The following SLC6A13 variants were observed in gnomAD, a reference collection of about 807,000 sequenced individuals.
The protein encoded by SLC6A13 is sodium- and chloride-dependent GABA transporter 2.
A neutral mutation model predicts 72.9 loss-of-function variants in SLC6A13; 69 were observed. That is an observed-to-expected ratio of 0.95 (90% CI 0.78 to 1.16). The LOEUF (loss-of-function observed/expected upper bound fraction) is 1.16, where lower values mean the gene tolerates loss of function less well. Ranked by LOEUF, SLC6A13 falls within the 50% of genes most tolerant of loss-of-function variation. The pLI is 0.00. For missense variants in SLC6A13, 735 were observed against 760.5 expected, an observed-to-expected ratio of 0.97 and a Z score of 0.39; for synonymous variants, 303 against 303.0, an observed-to-expected ratio of 1.00 and a Z score of 0.00.
intron 6 of SLC6A13, among the ~76,000 whole-genome samples, chr12:235,880 G>A (rs1331435793): frequency 2.0e-5 from 3 of 152,112 alleles, no homozygotes; most frequent in Non-Finnish European, 4.4e-5. Context: ...GCCGCTCTGG[G>A]AATGTCTGTC....
chr12:243,581 T>A, intron 3 of SLC6A13, 98 bp downstream of exon 3: 1 of 1,242,754 alleles, frequency 8.0e-7, no homozygotes, highest in Non-Finnish European at 1.1e-6. Context: ...CGGGATCTTA[T>A]CTTAACCTCA....
intron 10 of SLC6A13, 46 bp from the exon 11 acceptor site, chr12:224,175 A>G: frequency 6.2e-7 from 1 of 1,611,272 alleles, no homozygotes; most frequent in Non-Finnish European, 8.5e-7. Context: ...AGCTCCCGAG[A>G]TGCCCTGTCC....
At chr12:223,073 G>C in intron 12 of SLC6A13, 59 bp downstream of exon 12, 1 of 1,053,038 alleles carries the variant, frequency 9.5e-7, no homozygotes, top group Non-Finnish European at 1.4e-6. Context: ...TCGTGTCTAA[G>C]GACCCCAAGA....
At chr12:227,540 G>T in intron 8 of SLC6A13, 25 bp downstream of exon 8, 2 of 1,613,018 alleles carry the variant, frequency 1.2e-6, no homozygotes, top group Non-Finnish European at 8.5e-7. Context: ...CAGGTGTGTG[G>T]CTCAGGCCCC....
At chr12:247,026 AGAAAGAAAAG>A in intron 2 of SLC6A13, among the ~76,000 whole-genome samples, 1 of 18,212 alleles carries the variant, frequency 5.5e-5, no homozygotes, top group Non-Finnish European at 2.1e-4. Flanking sequence ...AAAAAAAGAA[AGAAAGAAAAG>A]AAAGAAAGAA....
chr12:261,018 G>A (rs1481249316), intron 1 of SLC6A13, among the ~76,000 whole-genome samples: 2 of 152,198 alleles, frequency 1.3e-5, no homozygotes, highest in East Asian at 3.8e-4. Context: ...ATGTCTCTCT[G>A]AAATCAGCGT....
At chr12:232,529 G>A (rs564063742) in intron 7 of SLC6A13, among the ~76,000 whole-genome samples, 1 of 152,300 alleles carries the variant, frequency 6.6e-6, no homozygotes, top group African/African-American at 2.4e-5. Context: ...CATAATTACT[G>A]GCTGCACAAC....
rs557845668 is a variant in SLC6A13 at position 227,597 on chromosome 12, G to C, written c.903C>G (p.Gly301=). The C allele has an allele frequency of 1.2e-6, 2 of 1,613,920 alleles. No individual in the cohort carries two copies. Among genetic ancestry groups the C allele is most frequent in the African/African-American group, 2.7e-5 (2 of 75,034 alleles). Residue 301 remains glycine, a synonymous_variant, in exon 8 of 15, where the codon GGC becomes GGG. Coordinates refer to ENST00000343164, the MANE Select transcript of SLC6A13 (RefSeq NM_016615.5). ...AICLGCLTAL[G]SYNKYHNNCY... is the part of the protein sequence containing the mutation. ...AGTTGTTGTGGTACTTGTTGTAGCT[G>C]CCCAGGGCTGTCAGGCACCCAAGAC...
At chr12:241,348 G>C (rs902943007) in intron 4 of SLC6A13, among the ~76,000 whole-genome samples, 66 of 152,132 alleles carry the variant, frequency 4.3e-4, no homozygotes, top group African/African-American at 1.5e-3. Context: ...ATTAATCATG[G>C]CTAGCCCACT....
At chr12:244,976 T>C (rs1293685108) in intron 2 of SLC6A13, among the ~76,000 whole-genome samples, 1 of 151,690 alleles carries the variant, frequency 6.6e-6, no homozygotes, top group Non-Finnish European at 1.5e-5. Flanking sequence ...CCAGATATAC[T>C]GGTATTTTCC....
At chr12:255,385 G>C (rs1008916637) in intron 2 of SLC6A13, among the ~76,000 whole-genome samples, 7 of 152,216 alleles carry the variant, frequency 4.6e-5, no homozygotes, top group African/African-American at 1.7e-4. Flanking sequence ...ATACCAGCTA[G>C]AGAGATTATT....
intron 10 of SLC6A13, 115 bp downstream of exon 10, chr12:224,286 C>T (rs984610712): frequency 5.2e-6 from 7 of 1,336,812 alleles, no homozygotes; most frequent in Non-Finnish European, 7.4e-6. Context: ...GACTCACCCT[C>T]AAGCTCCTGT....
At chr12:221,288 G>T (rs988497403) in intron 14 of SLC6A13, 88 bp downstream of exon 14, 1 of 1,403,386 alleles carries the variant, frequency 7.1e-7, no homozygotes, top group South Asian at 1.4e-5. Context: ...TCCACACAAC[G>T]GTGTGCGCCC....
intron 2 of SLC6A13, among the ~76,000 whole-genome samples, chr12:250,767 T>C (rs775646437): frequency 6.7e-4 from 98 of 145,220 alleles, no homozygotes; most frequent in Non-Finnish European, 1.2e-3. Flanking sequence ...AACAGACTTT[T>C]TTGTAGAAAT....
chr12:236,729 G>C (rs2137283953), intron 6 of SLC6A13, among the ~76,000 whole-genome samples: 1 of 152,118 alleles, frequency 6.6e-6, no homozygotes, highest in African/African-American at 2.4e-5. Context: ...GGCCCCCAGG[G>C]CAAGAGTTCA....
At chr12:228,962 T>C (rs566981853) in intron 7 of SLC6A13, among the ~76,000 whole-genome samples, 2 of 152,274 alleles carry the variant, frequency 1.3e-5, no homozygotes, top group East Asian at 1.9e-4. Flanking sequence ...AGGGCACCCA[T>C]CCTCTCATCA....
chr12:242,866 C>A, intron 3 of SLC6A13, 112 bp from the exon 4 acceptor site: 1 of 879,878 alleles, frequency 1.1e-6, no homozygotes, highest in Non-Finnish European at 1.7e-6. Flanking sequence ...GCTGGGAGTT[C>A]AATTTACCAT....
intron 4 of SLC6A13, 62 bp downstream of exon 4, chr12:242,552 C>T: frequency 6.6e-7 from 1 of 1,517,860 alleles, no homozygotes; most frequent in Non-Finnish European, 9.0e-7. Context: ...TAGTGACAAG[C>T]CCAATTCCGG....
chr12:223,718 G>T (rs1334374080), intron 11 of SLC6A13: 4 of 421,116 alleles, frequency 9.5e-6, no homozygotes, highest in Non-Finnish European at 1.7e-5. Flanking sequence ...TGGAGAGTCA[G>T]CTTCTCCCAA....
Sources: allele counts gnomAD v4.1 joint callset (sites outside exome capture counted in the v4.1 genomes callset), GRCh38; gene constraint gnomAD v4.1.1; transcripts MANE v1.5; gene names NCBI Gene and HGNC (gene_info 2026-07-23, HGNC 2026-07-21).